Variants in OR4K1 observed in about 807,000 individuals in gnomAD.
The protein encoded by OR4K1 is olfactory receptor 4K1.
Under a neutral mutation model 14.4 loss-of-function variants are expected in OR4K1, and 16 were observed. The observed-to-expected ratio is 1.11, with a 90% CI of 0.75 to 1.68. The LOEUF is 1.68. OR4K1 is among the 40% of genes most tolerant of loss of function. The probability of loss-of-function intolerance (pLI) is 0.00; values close to 1 mark genes in which losing one functional copy is unlikely to be tolerated. For synonymous variants in OR4K1, 181 were observed against 133.1 expected (o/e 1.36, Z -2.48); for missense variants, 548 against 376.9 (o/e 1.45, Z -3.76).
chr14:19,932,796 A>G (rs1472107302), intron 1 of OR4K1, among the ~76,000 whole-genome samples: 1 of 152,148 alleles, frequency 6.6e-6, no homozygotes, highest in Non-Finnish European at 1.5e-5. Flanking sequence ...TATTTTGAGC[A>G]TTAAATGAGT....
chr14:19,920,610 G>A, the OR4K1 span: 2 of 1,601,554 alleles, frequency 1.2e-6, no homozygotes, highest in Non-Finnish European at 1.7e-6. Context: ...TGGAACCATG[G>A]ATAAGTCCAA....
At chr14:19,921,431 C>A in the OR4K1 span, 2 of 1,614,134 alleles carry the variant, frequency 1.2e-6, no homozygotes, top group African/African-American at 2.7e-5. Context: ...CCATATTTTA[C>A]ACTGTTTTCA....
intron 1 of OR4K1, among the ~76,000 whole-genome samples, chr14:19,933,356 CT>C (rs1022495906): frequency 6.6e-6 from 1 of 152,112 alleles, no homozygotes; most frequent in Non-Finnish European, 1.5e-5. Flanking sequence ...CAAATTTTAT[CT>C]TTTTAAATTC....
In OR4K1 at chr14:19,936,602, G is replaced by A. The variant is rs749443606; in HGVS notation, c.936G>A (p.Ter312=). 6.3e-7 allele frequency: 1 copy of A among 1,595,122 alleles called. No homozygotes were observed. ...RNRHVNSWKN[*] is the part of the protein sequence containing the mutation. Reference sequence around the variant, plus strand: ...GTCATGTGAACTCCTGGAAAAACTAGGGATCATTACGAAGGAGCATAATCC... The same window carrying A: ...GTCATGTGAACTCCTGGAAAAACTAAGGATCATTACGAAGGAGCATAATCC... The change falls in exon 2 of 2, where the codon TAG becomes TAA. Residue 312 remains the stop codon, a stop_retained_variant. Transcript: ENST00000641172.
At chr14:19,929,052 G>A (rs1485716427), upstream of OR4K1, among the ~76,000 whole-genome samples, 3 of 151,620 alleles carry the variant, frequency 2.0e-5, no homozygotes, top group East Asian at 5.8e-4. Context: ...ATGCTTTAGA[G>A]GCCTTACCAA....
chr14:19,931,710 C>T (rs1006864377), intron 1 of OR4K1, among the ~76,000 whole-genome samples: 8 of 152,222 alleles, frequency 5.3e-5, no homozygotes, highest in African/African-American at 1.9e-4. Flanking sequence ...TCCAACTTGG[C>T]TTTACACCAA....
At chr14:19,920,894 C>A in the OR4K1 span, 1 of 1,614,178 alleles carries the variant, frequency 6.2e-7, no homozygotes, top group South Asian at 1.1e-5. Context: ...CTTTCAGTGG[C>A]TGCATAGCCC....
At chr14:19,934,871 C>T (rs1457279704) in intron 1 of OR4K1, among the ~76,000 whole-genome samples, 2 of 152,186 alleles carry the variant, frequency 1.3e-5, no homozygotes, top group Admixed American at 6.5e-5. Context: ...CGGGGTTTCA[C>T]CATGTTGGTC....
intron 1 of OR4K1, among the ~76,000 whole-genome samples, chr14:19,931,833 T>C (rs927526541): frequency 5.9e-5 from 9 of 152,378 alleles, no homozygotes; most frequent in Middle Eastern, 3.4e-3. Flanking sequence ...TTCTGGGTGC[T>C]CTGTGGACTG....
At chr14:19,922,473 C>G in the OR4K1 span, among the ~76,000 whole-genome samples, 1 of 152,220 alleles carries the variant, frequency 6.6e-6, no homozygotes, top group South Asian at 2.1e-4. Flanking sequence ...GAACCTCTCT[C>G]CATCTAGGGG....
upstream of OR4K1, among the ~76,000 whole-genome samples, chr14:19,930,634 T>A (rs1449051210): frequency 1.3e-5 from 2 of 152,204 alleles, no homozygotes; most frequent in East Asian, 3.8e-4. Flanking sequence ...GAGTTAGGAG[T>A]TGAATACCTG....
chr14:19,936,102 T>C lies in OR4K1; in HGVS notation c.436T>C (p.Ser146Pro). ...MNRRLCVIFV[S>P]ISWAVGVLHS... ...CCGGAGGCTCTGTGTAATTTTTGTG[T>C]CTATTTCCTGGGCGGTGGGCGTTCT... Residue 146 changes from serine to proline, a missense_variant, in exon 2 of 2, where the codon TCT (serine) becomes CCT (proline). Ser to Pro is a moderately conservative substitution (Grantham distance 74). Coordinates refer to ENST00000641172, the MANE Select transcript of OR4K1 (RefSeq NM_001004063.3). 3 of 1,614,238 alleles carry C rather than the reference T, an allele frequency of 1.9e-6. No individual in the cohort carries two copies. The highest frequency in any genetic ancestry group is 2.5e-6 in the Non-Finnish European group (3 of 1,180,034).
chr14:19,924,977 A>C, the OR4K1 span, among the ~76,000 whole-genome samples: 3 of 152,172 alleles, frequency 2.0e-5, no homozygotes, highest in African/African-American at 7.2e-5. Context: ...AAAATAAATA[A>C]AAAAATAAAG....
At chr14:19,921,632 A>AT in the OR4K1 span, 2 of 1,512,032 alleles carry the variant, frequency 1.3e-6, no homozygotes, top group East Asian at 2.3e-5. Flanking sequence ...ATTTTAATGT[A>AT]TTTTTGTGGT....
upstream of OR4K1, among the ~76,000 whole-genome samples, chr14:19,929,376 T>C (rs935637734): frequency 9.8e-5 from 14 of 142,788 alleles, no homozygotes; most frequent in Non-Finnish European, 1.5e-4. Flanking sequence ...TGTGTGTGTG[T>C]GTGTGTGTGT....
chr14:19,920,500 G>C, the OR4K1 span: 1 of 1,387,768 alleles, frequency 7.2e-7, no homozygotes, highest in Non-Finnish European at 9.7e-7. Flanking sequence ...CATTATATCT[G>C]AGATCTCAGA....
At chr14:19,924,548 G>A in the OR4K1 span, among the ~76,000 whole-genome samples, 1 of 152,046 alleles carries the variant, frequency 6.6e-6, no homozygotes, top group South Asian at 2.1e-4. Flanking sequence ...ATTTGCATTA[G>A]ATGCTGGTGA....
chr14:19,930,145 A>G (rs1045020142), upstream of OR4K1, among the ~76,000 whole-genome samples: 1 of 151,560 alleles, frequency 6.6e-6, no homozygotes, highest in Admixed American at 6.6e-5. Context: ...ATATATATGT[A>G]CTTAGGTTTT....
the OR4K1 span, among the ~76,000 whole-genome samples, chr14:19,925,163 A>G: frequency 6.6e-6 from 1 of 152,234 alleles, no homozygotes; most frequent in Non-Finnish European, 1.5e-5. Flanking sequence ...GAAGAAGTGA[A>G]CATTTTAGTA....
Sources: gnomAD v4.1 joint callset for allele counts (sites outside exome capture counted in the v4.1 genomes callset) on GRCh38, gnomAD v4.1.1 for gene constraint, MANE v1.5 for transcripts, NCBI Gene and HGNC (gene_info 2026-07-23, HGNC 2026-07-21) for gene names.